Variants in NR5A2 observed in about 807,000 individuals in gnomAD.
NR5A2 encodes the protein CYP7A promoter-binding factor.
A neutral mutation model predicts 62.7 loss-of-function variants in NR5A2; 26 were observed. That is an observed-to-expected ratio of 0.41 (90% confidence interval 0.30 to 0.58). The LOEUF is 0.58. Ranked by LOEUF, NR5A2 falls within the 20% of genes least tolerant of loss-of-function variation. The pLI is 0.22. For synonymous variants in NR5A2, 246 were observed against 241.7 expected (o/e 1.02, Z -0.16); for missense variants, 541 against 669.1 (o/e 0.81, Z 2.11).
intron 7 of NR5A2, among the ~76,000 whole-genome samples, chr1:200,138,672 C>T (rs143143642): frequency 1.1e-4 from 16 of 152,164 alleles, no homozygotes; most frequent in Non-Finnish European, 2.2e-4. Flanking sequence ...CTTACTGAAT[C>T]GCTTGTCTTT....
chr1:200,053,569 GCACACACACACA>G (rs34611924), intron 5 of NR5A2, among the ~76,000 whole-genome samples: 41 of 142,104 alleles, frequency 2.9e-4, no homozygotes, highest in Admixed American at 1.2e-3. Flanking sequence ...GCATGCACAC[GCACACACACACA>G]CACACACACA....
rs1179149625 is a variant in NR5A2, at chr1:200,080,411, A to G, written c.1111-30791A>G. Among the ~76,000 whole-genome samples, 3 of 152,154 alleles carry G rather than the reference A, an allele frequency of 2.0e-5. No individual in the cohort carries two copies. The East Asian group carries it at 5.8e-4, about 29-fold the overall frequency. ...TTGATTTATAGTATTTTGAAATTTA[A>G]TTATTAACTCTGGTTTGAGATATAT... On this transcript the variant is annotated intron_variant, in intron 5 of 7. Coordinates refer to ENST00000367362, the MANE Select transcript of NR5A2 (RefSeq NM_205860.3).
In NR5A2 at chr1:200,039,678, C is replaced by G. The variant is rs767674439; in HGVS notation, c.85C>G (p.His29Asp). Residue 29 changes from histidine (H) to aspartate (D), a missense_variant, in exon 2 of 8, where the codon CAC becomes GAC. Physicochemically the swap from His to Asp is moderately conservative, Grantham distance 81. This residue lies in a region of NR5A2 where 108 missense variants were observed against 103.3 expected (regional missense o/e 1.05). Transcript: ENST00000367362. The surrounding 1 kb of genome is among the most constrained non-coding windows in gnomAD (Gnocchi z 5.1). ...TPIGAGLPDRHGSPIPARGRL... is the reference protein window; with the variant it reads ...TPIGAGLPDRDGSPIPARGRL... ...TCCAGGTGCTGGGCTTCCGGACCGA[C>G]ACGGATCCCCCATCCCCGCCCGCGG... 1.9e-6 allele frequency: 3 copies of G among 1,611,554 alleles called. No homozygotes were observed. Among genetic ancestry groups the G allele is most frequent in the Non-Finnish European group, 2.5e-6 (3 of 1,178,986 alleles).
At chr1:200,077,851 T>G (rs1412942360) in intron 5 of NR5A2, among the ~76,000 whole-genome samples, 4 of 152,210 alleles carry the variant, frequency 2.6e-5, no homozygotes, top group Non-Finnish European at 5.9e-5. Context: ...GCTCTCGCAG[T>G]TTTTGATTCT....
At chr1:200,082,452 A>T (rs768351978) in intron 5 of NR5A2, among the ~76,000 whole-genome samples, 3 of 152,232 alleles carry the variant, frequency 2.0e-5, no homozygotes, top group Non-Finnish European at 4.4e-5. Context: ...AGTACTTTGT[A>T]TCAATTATTT....
At position 200,147,575 on chromosome 1, in the gene NR5A2, C is replaced by G; in HGVS notation, c.1379-26388C>G. ...TCCATTGGTGTGCTTAAAGCGATCT[C>G]CTCTACACGAACGCTAGGGCAGAGC... On this transcript the variant is annotated intron_variant, in intron 7 of 7. Coordinates refer to ENST00000367362, the MANE Select transcript of NR5A2 (RefSeq NM_205860.3). The surrounding 1 kb of genome is among the most constrained non-coding windows in gnomAD (Gnocchi z 4.9). The G allele has an allele frequency of 1.4e-6, 1 of 707,534 alleles. No individual in the cohort carries two copies. The highest frequency in any genetic ancestry group is 2.6e-6 in the Non-Finnish European group (1 of 379,776). 43.8% of individuals were successfully genotyped at this position (707,534 alleles called of 1,614,324 possible). A position where few individuals can be genotyped will look rare whatever the true frequency, so the allele number is the denominator to read the frequency against.
chr1:200,161,741 G>A (rs899442876), intron 7 of NR5A2, among the ~76,000 whole-genome samples: 1 of 152,204 alleles, frequency 6.6e-6, no homozygotes, highest in Non-Finnish European at 1.5e-5. Context: ...CTTTAAAATT[G>A]CTTAAGAGTC....
chr1:200,127,692 AAAAAAAAAAAAAAAAAAAT>A (rs1238488638), intron 7 of NR5A2, among the ~76,000 whole-genome samples: 9 of 95,762 alleles, frequency 9.4e-5, no homozygotes, highest in Admixed American at 1.1e-4. Context: ...AAAAAAAAAA[AAAAAAAAAAAAAAAAAAAT>A]ATATATATAT....
chr1:200,040,353 G>A (rs113158975), intron 2 of NR5A2, among the ~76,000 whole-genome samples: 4 of 152,342 alleles, frequency 2.6e-5, no homozygotes, highest in African/African-American at 7.2e-5. Context: ...TGGCAGAACT[G>A]AAGGGAACAA....
intron 5 of NR5A2, among the ~76,000 whole-genome samples, chr1:200,098,283 A>T (rs189920811): frequency 6.6e-6 from 1 of 152,190 alleles, no homozygotes; most frequent in Admixed American, 6.5e-5. Context: ...AGGAGTGTCT[A>T]TCTAGATTTT....
intron 5 of NR5A2, among the ~76,000 whole-genome samples, chr1:200,076,759 G>T (rs1027763137): frequency 1.3e-5 from 2 of 152,040 alleles, no homozygotes; most frequent in Non-Finnish European, 2.9e-5. Flanking sequence ...ATAATTTGGA[G>T]GTTTGGAGAA....
At chr1:200,100,747 T>C (rs1349735369) in intron 5 of NR5A2, among the ~76,000 whole-genome samples, 1 of 152,208 alleles carries the variant, frequency 6.6e-6, no homozygotes, top group African/African-American at 2.4e-5. Context: ...TTACATAATC[T>C]GGAATTCTCT....
chr1:200,144,557 AATTTCCCTCTTCTATTAACCCATTAC>A (rs1242504036), intron 7 of NR5A2, among the ~76,000 whole-genome samples: 1 of 152,208 alleles, frequency 6.6e-6, no homozygotes, highest in Non-Finnish European at 1.5e-5. Context: ...TTTGGGAAAG[AATTTCCCTCTTCTATTAACCCATTAC>A]ATTGTTTCCA....
intron 2 of NR5A2, among the ~76,000 whole-genome samples, chr1:200,040,033 A>C (rs991566701): frequency 6.6e-6 from 1 of 152,150 alleles, no homozygotes; most frequent in Non-Finnish European, 1.5e-5. Context: ...AAGGAAAGAG[A>C]GGCTTCCAGC....
At chr1:200,142,151 T>A (rs942996286) in intron 7 of NR5A2, among the ~76,000 whole-genome samples, 8 of 150,916 alleles carry the variant, frequency 5.3e-5, no homozygotes, top group Non-Finnish European at 1.0e-4. Context: ...ACCATCAACT[T>A]AGTGTTTTGA....
At chr1:200,086,276 A>C (rs1003345205) in intron 5 of NR5A2, among the ~76,000 whole-genome samples, 1 of 151,974 alleles carries the variant, frequency 6.6e-6, no homozygotes, top group Non-Finnish European at 1.5e-5. Context: ...GAGAGGTAAG[A>C]GGGTGGGGAG....
intron 7 of NR5A2, among the ~76,000 whole-genome samples, chr1:200,129,015 C>T (rs1268450533): frequency 6.6e-6 from 1 of 152,002 alleles, no homozygotes; most frequent in African/African-American, 2.4e-5. Context: ...CTTCTTTTCC[C>T]TTTACTTAAG....
intron 7 of NR5A2, among the ~76,000 whole-genome samples, chr1:200,137,800 G>A (rs1458043287): frequency 6.6e-6 from 1 of 152,048 alleles, no homozygotes; most frequent in South Asian, 2.1e-4. Context: ...TTTAAAAAAA[G>A]TTTATTGTTG....
chr1:200,125,071 CAAAATT>C (rs1282260417), intron 7 of NR5A2, among the ~76,000 whole-genome samples: 1 of 152,164 alleles, frequency 6.6e-6, no homozygotes, highest in African/African-American at 2.4e-5. Context: ...AATAACTCCT[CAAAATT>C]AAATTATTTC....
Sources: gnomAD v4.1 joint callset for allele counts (sites outside exome capture counted in the v4.1 genomes callset) on GRCh38, gnomAD v4.1.1 for gene constraint, gnomAD v4.1.1 regional missense constraint, Gnocchi (gnomAD v3.1) non-coding constraint, MANE v1.5 for transcripts, NCBI Gene and HGNC (gene_info 2026-07-23, HGNC 2026-07-21) for gene names.